The following GPR89A variants were observed in gnomAD, a reference collection of about 807,000 sequenced individuals.
GPR89A encodes golgi pH regulator A.
Under a neutral mutation model 52.0 loss-of-function variants are expected in GPR89A, and 16 were observed. The observed-to-expected ratio is 0.31, with a 90% confidence interval of 0.21 to 0.47. The LOEUF (loss-of-function observed/expected upper bound fraction) is 0.47. Ranked by LOEUF, GPR89A falls within the 20% of genes least tolerant of loss-of-function variation. GPR89A has a pLI of 1.00. For missense variants in GPR89A, 135 were observed against 449.4 expected, an observed-to-expected ratio of 0.30 and a Z score of 6.33; for synonymous variants, 55 against 150.9, an observed-to-expected ratio of 0.36 and a Z score of 4.66.
intron 11 of GPR89A, among the ~76,000 whole-genome samples, chr1:145,663,795 A>G (rs587707884): frequency 9.2e-5 from 14 of 152,254 alleles, no homozygotes; most frequent in South Asian, 4.1e-4. Context: ...AAGCTCTTCA[A>G]ACACACAACT....
intron 1 of GPR89A, among the ~76,000 whole-genome samples, chr1:145,610,465 T>C (rs1427589990): frequency 2.0e-5 from 3 of 152,144 alleles, no homozygotes; most frequent in Admixed American, 2.0e-4. Context: ...TGCCTCCAGA[T>C]TTCCACACAG....
At chr1:145,622,101 C>T (rs587661346) in intron 3 of GPR89A, among the ~76,000 whole-genome samples, 7 of 151,992 alleles carry the variant, frequency 4.6e-5, no homozygotes, top group African/African-American at 1.2e-4. Context: ...TGAAAACATA[C>T]GTCCACACCA....
intron 10 of GPR89A, among the ~76,000 whole-genome samples, chr1:145,652,914 T>C (rs1472892938): frequency 1.4e-5 from 2 of 143,628 alleles, no homozygotes; most frequent in Non-Finnish European, 3.0e-5. Flanking sequence ...TATTAATCTT[T>C]TCAAAAAACT....
intron 10 of GPR89A, among the ~76,000 whole-genome samples, chr1:145,655,168 C>A (rs587727711): frequency 1.3e-5 from 2 of 151,010 alleles, no homozygotes; most frequent in South Asian, 4.2e-4. Flanking sequence ...CCTTTTTAAA[C>A]GGGTTATTCT....
chr1:145,621,698 G>A (rs1443264046), intron 3 of GPR89A, among the ~76,000 whole-genome samples: 5 of 151,654 alleles, frequency 3.3e-5, no homozygotes, highest in Non-Finnish European at 5.9e-5. Context: ...ACTGGGACTC[G>A]TATCTAGAAT....
intron 1 of GPR89A, among the ~76,000 whole-genome samples, chr1:145,610,506 T>C: frequency 6.6e-6 from 1 of 152,160 alleles, no homozygotes; most frequent in East Asian, 1.9e-4. Context: ...CTTTTCCTCA[T>C]ATCCCTCCCC....
chr1:145,654,012 T>A (rs368834136), intron 10 of GPR89A, among the ~76,000 whole-genome samples: 1 of 152,218 alleles, frequency 6.6e-6, no homozygotes, highest in Non-Finnish European at 1.5e-5. Flanking sequence ...ATCATGATGC[T>A]AGCTGGTTAT....
chr1:145,609,988 T>G (rs1553685823), intron 1 of GPR89A, among the ~76,000 whole-genome samples: 1 of 152,180 alleles, frequency 6.6e-6, no homozygotes, highest in Non-Finnish European at 1.5e-5. Context: ...TTTCCATGTT[T>G]TATTTTCTTC....
intron 10 of GPR89A, among the ~76,000 whole-genome samples, chr1:145,659,117 C>T (rs1652010509): frequency 6.6e-6 from 1 of 152,004 alleles, no homozygotes; most frequent in Admixed American, 6.6e-5. Context: ...TTTAATTTCT[C>T]TTATGTGTAT....
chr1:145,640,046 C>T (rs2624744), intron 7 of GPR89A, among the ~76,000 whole-genome samples: 2 of 151,828 alleles, frequency 1.3e-5, no homozygotes, highest in East Asian at 1.9e-4. Flanking sequence ...GGTGAAACCC[C>T]GTCTCTACTA....
intron 1 of GPR89A, among the ~76,000 whole-genome samples, chr1:145,609,275 C>T (rs1235105850): frequency 2.0e-5 from 3 of 152,158 alleles, no homozygotes; most frequent in Non-Finnish European, 4.4e-5. Flanking sequence ...TCCTAATACT[C>T]GTCTCCGTAG....
At position 145,650,246 on chromosome 1, in the gene GPR89A, T is replaced by G. The variant is rs371329884; in HGVS notation, c.909+2979T>G. On this transcript the variant is annotated intron_variant, in intron 10 of 13. Coordinates refer to ENST00000313835, the MANE Select transcript of GPR89A (RefSeq NM_001097612.2). ...TGAGAACATGTGATATTTGGTTTTC[T>G]GTTCCTGTGTTAGTTTGATGAGGAT... Among the ~76,000 whole-genome samples, 15 of 150,074 alleles carry G rather than the reference T, an allele frequency of 1.0e-4. 1 individual carries two copies. In the East Asian group the frequency reaches 3.0e-3, roughly 30 times the overall value.
intron 10 of GPR89A, among the ~76,000 whole-genome samples, chr1:145,658,310 A>G (rs1206905368): frequency 5.4e-5 from 8 of 148,128 alleles, no homozygotes. Context: ...GTATCTATCA[A>G]TATTTCATTC....
At chr1:145,640,692 AC>A (rs1361256796) in intron 7 of GPR89A, among the ~76,000 whole-genome samples, 1 of 4 alleles carries the variant, frequency 0.25, no homozygotes, top group South Asian at 0.5. Context: ...AAGACTCCTT[AC>A]TTAAAAAAAA....
chr1:145,623,190 T>G, intron 4 of GPR89A, 30 bp downstream of exon 4: 1 of 1,612,426 alleles, frequency 6.2e-7, no homozygotes, highest in Non-Finnish European at 8.5e-7. Flanking sequence ...AGTCAGCATA[T>G]AGATTGAGAT....
chr1:145,656,065 G>A (rs2796955), intron 10 of GPR89A, among the ~76,000 whole-genome samples: 1,749 of 147,148 alleles, frequency 0.012, 29 homozygotes, highest in Middle Eastern at 0.041. Flanking sequence ...TCTGGCCACA[G>A]TCTGCCACTA....
At chr1:145,628,693 G>C (rs1371323501) in intron 5 of GPR89A, among the ~76,000 whole-genome samples, 3 of 152,328 alleles carry the variant, frequency 2.0e-5, no homozygotes, top group East Asian at 1.9e-4. Context: ...CATAGCAGGT[G>C]CTTGGTGAAT....
intron 1 of GPR89A, among the ~76,000 whole-genome samples, chr1:145,610,888 C>T (rs1648217899): frequency 6.6e-6 from 1 of 151,882 alleles, no homozygotes; most frequent in Non-Finnish European, 1.5e-5. Flanking sequence ...CCAGAAGTCA[C>T]TTTTTTAAAA....
chr1:145,608,114 A>C lies in GPR89A; in HGVS notation c.-20A>C. 1.9e-6 allele frequency: 3 copies of C among 1,613,574 alleles called. No homozygotes were observed. The highest frequency in any genetic ancestry group is 2.5e-6 in the Non-Finnish European group (3 of 1,179,800). On this transcript the variant is annotated 5_prime_UTR_variant, in exon 1 of 14. Transcript: ENST00000313835. The stretch of plus-strand genomic sequence containing the variant: ...TCGGGGAGTGGGAAGTGGAGGCAGG[A>C]GCCTTCCTTACACTTCGCCATGAGT...
Sources: gnomAD v4.1 joint callset for allele counts (sites outside exome capture counted in the v4.1 genomes callset) on GRCh38, gnomAD v4.1.1 for gene constraint, MANE v1.5 for transcripts, NCBI Gene and HGNC (gene_info 2026-07-23, HGNC 2026-07-21) for gene names.